NRXN1: variants seen among roughly 807,000 people sequenced by gnomAD.
NRXN1 encodes the protein neurexin-1.
A neutral mutation model predicts 150.9 loss-of-function variants in NRXN1; 39 were observed. The observed-to-expected ratio is 0.26, with a 90% CI of 0.20 to 0.34. NRXN1 has a LOEUF of 0.34. Ranked by LOEUF, NRXN1 falls within the 10% of genes least tolerant of loss-of-function variation. NRXN1 has a pLI of 1.00. For missense variants in NRXN1, 1,815 were observed against 1,949.9 expected (o/e 0.93, Z 1.30); for synonymous variants, 924 against 757.0 (o/e 1.22, Z -3.62).
intron 5 of NRXN1, among the ~76,000 whole-genome samples, chr2:50,690,513 T>A (rs200417164): frequency 6.6e-6 from 1 of 152,190 alleles, no homozygotes; most frequent in East Asian, 1.9e-4. Flanking sequence ...TTGGTGGGAA[T>A]AGAAAAACAT....
At chr2:50,799,809 A>G (rs1273301034) in intron 5 of NRXN1, among the ~76,000 whole-genome samples, 1 of 152,180 alleles carries the variant, frequency 6.6e-6, no homozygotes, top group Non-Finnish European at 1.5e-5. Context: ...TGGTAAGTCA[A>G]GAAGCATCTG....
intron 5 of NRXN1, among the ~76,000 whole-genome samples, chr2:50,706,085 G>A (rs776419800): frequency 9.9e-5 from 15 of 152,164 alleles, no homozygotes; most frequent in South Asian, 2.1e-4. Flanking sequence ...ACTTCATTCT[G>A]GTGTCTACTA....
At chr2:50,113,517 C>T (rs1293583673) in intron 18 of NRXN1, among the ~76,000 whole-genome samples, 3 of 152,218 alleles carry the variant, frequency 2.0e-5, no homozygotes, top group South Asian at 2.1e-4. Context: ...TTAACCATAA[C>T]TCACCTTTGT....
intron 5 of NRXN1, among the ~76,000 whole-genome samples, chr2:50,892,111 G>A (rs1018732685): frequency 1.3e-4 from 20 of 152,156 alleles, no homozygotes; most frequent in African/African-American, 4.6e-4. Context: ...CAGATCAGAT[G>A]GAGACAGACT....
chr2:50,925,878 A>G, intron 3 of NRXN1, 60 bp downstream of exon 3: 1 of 1,243,774 alleles, frequency 8.0e-7, no homozygotes, highest in East Asian at 2.5e-5. Context: ...GATGTACCCT[A>G]TTAGTACTAA....
chr2:50,057,609 C>A (rs1284552450), intron 19 of NRXN1, among the ~76,000 whole-genome samples: 4 of 152,160 alleles, frequency 2.6e-5, no homozygotes, highest in Non-Finnish European at 5.9e-5. Context: ...TTTATTATTT[C>A]TTCAGTGCTT....
At chr2:50,609,253 A>T (rs10189785) in intron 8 of NRXN1, among the ~76,000 whole-genome samples, 32,807 of 152,018 alleles carry the variant, frequency 0.22, 4,239 homozygotes, top group East Asian at 0.39. Flanking sequence ...CAATTCACAT[A>T]TTTGTAGGGG....
chr2:50,049,970 G>T (rs564974681), intron 21 of NRXN1, among the ~76,000 whole-genome samples: 1 of 151,894 alleles, frequency 6.6e-6, no homozygotes, highest in South Asian at 2.1e-4. Flanking sequence ...CAAGTAAAAT[G>T]AATTTTATAA....
At chr2:49,984,786 T>C (rs997820108) in intron 21 of NRXN1, among the ~76,000 whole-genome samples, 2 of 151,564 alleles carry the variant, frequency 1.3e-5, no homozygotes, top group Non-Finnish European at 2.9e-5. Flanking sequence ...TTATATTGCA[T>C]AGTAGTAAGC....
chr2:50,225,812 G>T (rs924603255), intron 18 of NRXN1, among the ~76,000 whole-genome samples: 1 of 151,932 alleles, frequency 6.6e-6, no homozygotes, highest in Non-Finnish European at 1.5e-5. Flanking sequence ...CAAACTAGTT[G>T]CAAATGCTAG....
At chr2:50,525,728 A>G (rs1332359957) in intron 12 of NRXN1, among the ~76,000 whole-genome samples, 1 of 152,254 alleles carries the variant, frequency 6.6e-6, no homozygotes, top group Admixed American at 6.5e-5. Context: ...TACCCTATCT[A>G]TAGCTGAAAA....
At chr2:50,541,724 C>A (rs1268973499) in intron 9 of NRXN1, among the ~76,000 whole-genome samples, 1 of 146,602 alleles carries the variant, frequency 6.8e-6, no homozygotes, top group Admixed American at 6.8e-5. Context: ...CACACACACT[C>A]TGAAACAAAT....
chr2:50,298,490 C>T (rs1520524), intron 17 of NRXN1, among the ~76,000 whole-genome samples: 12,757 of 151,402 alleles, frequency 0.084, 628 homozygotes, highest in Middle Eastern at 0.14. Context: ...ATTTGAGGCC[C>T]CTGCTAGACT....
intron 17 of NRXN1, among the ~76,000 whole-genome samples, chr2:50,246,955 T>C (rs2066557511): frequency 6.6e-6 from 1 of 152,108 alleles, no homozygotes; most frequent in African/African-American, 2.4e-5. Flanking sequence ...CACTTACTAA[T>C]TATTAATAAT....
At chr2:50,908,566 C>T (rs1404933043) in intron 5 of NRXN1, among the ~76,000 whole-genome samples, 1 of 151,742 alleles carries the variant, frequency 6.6e-6, no homozygotes, top group Non-Finnish European at 1.5e-5. Flanking sequence ...AAGGAGACAA[C>T]CAGCAAAGAG....
rs995777793 is a variant in NRXN1, at chr2:50,060,997, C to T, written c.3719-5953G>A. Among the ~76,000 whole-genome samples, 49 of 152,154 alleles carry T rather than the reference C, an allele frequency of 3.2e-4. 1 individual carries two copies. On this transcript the variant is annotated intron_variant, in intron 19 of 22. Coordinates refer to ENST00000401669, the MANE Select transcript of NRXN1 (RefSeq NM_001330078.2). ...TAGATGATTCCCCAAATCCTTCCACCATTAGGTATAAAATAGTTCAGAATG... is the reference window on the plus strand; with the variant it reads ...TAGATGATTCCCCAAATCCTTCCACTATTAGGTATAAAATAGTTCAGAATG...
intron 5 of NRXN1, among the ~76,000 whole-genome samples, chr2:50,835,716 A>G (rs1167899017): frequency 6.6e-6 from 1 of 152,224 alleles, no homozygotes; most frequent in Non-Finnish European, 1.5e-5. Context: ...AAAAGAATCA[A>G]CATAATCACA....
intron 18 of NRXN1, among the ~76,000 whole-genome samples, chr2:50,117,425 A>G (rs1703218910): frequency 6.6e-6 from 1 of 152,162 alleles, no homozygotes; most frequent in African/African-American, 2.4e-5. Flanking sequence ...TCCTCAATCC[A>G]TAATTTAAAT....
At chr2:50,007,877 C>T (rs1023977888) in intron 21 of NRXN1, among the ~76,000 whole-genome samples, 39 of 152,138 alleles carry the variant, frequency 2.6e-4, no homozygotes, top group Non-Finnish European at 2.2e-4. Flanking sequence ...TATTTCTCCA[C>T]ATCCTCTCCA....
Sources: gnomAD v4.1 joint callset for allele counts (sites outside exome capture counted in the v4.1 genomes callset) on GRCh38, gnomAD v4.1.1 for gene constraint, MANE v1.5 for transcripts, NCBI Gene and HGNC (gene_info 2026-07-23, HGNC 2026-07-21) for gene names.